SLC4A7: variants seen among roughly 807,000 people sequenced by gnomAD.
SLC4A7 encodes the protein solute carrier family 4 member 7.
In SLC4A7, 51 loss-of-function variants were observed where a neutral mutation model predicts 137.6. The observed-to-expected ratio is 0.37, with a 90% CI of 0.30 to 0.47. SLC4A7 has a LOEUF of 0.47. Ranked by LOEUF, SLC4A7 falls within the 20% of genes least tolerant of loss-of-function variation. The probability of loss-of-function intolerance (pLI) is 1.00; values close to 1 mark genes in which losing one functional copy is unlikely to be tolerated. For missense variants in SLC4A7, 1,247 were observed against 1,525.4 expected, an observed-to-expected ratio of 0.82 and a Z score of 3.04; for synonymous variants, 542 against 518.6, an observed-to-expected ratio of 1.05 and a Z score of -0.61.
chr3:27,411,287 T>C (rs1559695455), intron 12 of SLC4A7, among the ~76,000 whole-genome samples: 1 of 152,068 alleles, frequency 6.6e-6, no homozygotes, highest in Non-Finnish European at 1.5e-5. Context: ...TTGTAATTAC[T>C]CTCTGTTCCC....
intron 13 of SLC4A7, among the ~76,000 whole-genome samples, chr3:27,407,512 C>T (rs534669244): frequency 4.9e-4 from 75 of 151,886 alleles, no homozygotes; most frequent in Middle Eastern, 3.4e-3. Flanking sequence ...TATTACCCTG[C>T]CTGCCTACCT....
intron 3 of SLC4A7, among the ~76,000 whole-genome samples, chr3:27,447,640 C>CTTTTTT (rs71087609): frequency 1.0e-4 from 10 of 99,698 alleles, no homozygotes; most frequent in South Asian, 3.8e-4. Flanking sequence ...TTTTACAGCC[C>CTTTTTT]TTTTTTTTTT....
At chr3:27,466,182 T>C (rs1041683998) in intron 1 of SLC4A7, among the ~76,000 whole-genome samples, 5 of 152,094 alleles carry the variant, frequency 3.3e-5, no homozygotes, top group Admixed American at 1.3e-4. Context: ...CTGGGCGCGG[T>C]GGCTCACGCC....
intron 7 of SLC4A7, among the ~76,000 whole-genome samples, chr3:27,427,461 T>G (rs2055761817): frequency 6.6e-6 from 1 of 152,038 alleles, no homozygotes; most frequent in South Asian, 2.1e-4. Flanking sequence ...ACATATTAAT[T>G]TATACAATTT....
At chr3:27,448,216 CAA>C (rs34846975) in intron 3 of SLC4A7, among the ~76,000 whole-genome samples, 11 of 104,360 alleles carry the variant, frequency 1.1e-4, no homozygotes, top group Admixed American at 1.1e-4. Context: ...GACTCCATCT[CAA>C]AAAAAAAAAA....
chr3:27,429,648 A>C (rs1295521048), intron 7 of SLC4A7, among the ~76,000 whole-genome samples: 2 of 152,120 alleles, frequency 1.3e-5, no homozygotes, highest in East Asian at 3.9e-4. Flanking sequence ...TCAGGAGTTC[A>C]AGACTAGCCT....
At chr3:27,449,548 T>TA (rs1162378834) in intron 2 of SLC4A7, among the ~76,000 whole-genome samples, 1 of 152,032 alleles carries the variant, frequency 6.6e-6, no homozygotes, top group African/African-American at 2.4e-5. Context: ...TCAGATTAAA[T>TA]AAAAAAGCAG....
At chr3:27,390,548 C>G (rs929974988) in intron 21 of SLC4A7, among the ~76,000 whole-genome samples, 1 of 152,118 alleles carries the variant, frequency 6.6e-6, no homozygotes, top group African/African-American at 2.4e-5. Context: ...GAAAATAAAA[C>G]TGAGCAAATG....
chr3:27,429,214 C>T (rs1013760589), intron 7 of SLC4A7, among the ~76,000 whole-genome samples: 1 of 151,082 alleles, frequency 6.6e-6, no homozygotes, highest in African/African-American at 2.4e-5. Flanking sequence ...TGCAGTAAGC[C>T]GAGATCACAC....
In SLC4A7 at chr3:27,448,662, G is replaced by T; in HGVS notation, c.278C>A (p.Ser93Tyr). Residue 93 changes from serine to tyrosine, a missense_variant, in exon 3 of 26, where the codon TCT (serine) becomes TAT (tyrosine). Coordinates refer to ENST00000454389, the MANE Select transcript of SLC4A7 (RefSeq NM_001321103.2). ...CTGTTTTCTCTTACCATAAGAAGGAGATTCCCGTCCATCTTCTTTATCTGA... is the reference window on the plus strand; with the variant it reads ...CTGTTTTCTCTTACCATAAGAAGGATATTCCCGTCCATCTTCTTTATCTGA... ...KESDKEDGRE[S>Y]PSYDTPSQRV... 6.2e-7 allele frequency: 1 copy of T among 1,610,962 alleles called. No individual in the cohort carries two copies.
intron 1 of SLC4A7, among the ~76,000 whole-genome samples, chr3:27,455,707 G>A (rs945264437): frequency 1.3e-5 from 2 of 150,832 alleles, no homozygotes; most frequent in Non-Finnish European, 2.9e-5. Flanking sequence ...GTGAAACCCT[G>A]TCTCTACTAA....
chr3:27,376,525 T>A lies in SLC4A7; in HGVS notation c.*239A>T, dbSNP rs531760601. 2.2e-5 allele frequency: 6 copies of A among 276,074 alleles called. No homozygotes were observed. The highest frequency in any genetic ancestry group is 1.2e-4 in the East Asian group (2 of 16,226). 17.1% of individuals were successfully genotyped at this position (276,074 alleles called of 1,614,324 possible). A position where few individuals can be genotyped will look rare whatever the true frequency, so the allele number is the denominator to read the frequency against. The stretch of plus-strand genomic sequence containing the variant: ...CATCCTTCTATTGCAAAACAGAAAA[T>A]TTTTTTTTCTAACAGAATAAATATT... On this transcript the variant is annotated 3_prime_UTR_variant, in exon 26 of 26. Coordinates refer to ENST00000454389, the MANE Select transcript of SLC4A7 (RefSeq NM_001321103.2).
chr3:27,481,934 G>A (rs1365774210), intron 1 of SLC4A7, among the ~76,000 whole-genome samples: 9 of 151,908 alleles, frequency 5.9e-5, no homozygotes, highest in African/African-American at 1.7e-4. Context: ...TCAGGAGTTC[G>A]AGACCAGCCT....
intron 5 of SLC4A7, 83 bp from the exon 6 acceptor site, chr3:27,434,187 A>C (rs2056550617): frequency 4.3e-6 from 4 of 935,688 alleles, no homozygotes; most frequent in Non-Finnish European, 6.2e-6. Flanking sequence ...ACCTTATGAC[A>C]AAAATTAGAA....
At chr3:27,458,186 T>A (rs761434422) in intron 1 of SLC4A7, among the ~76,000 whole-genome samples, 5 of 152,180 alleles carry the variant, frequency 3.3e-5, no homozygotes, top group Non-Finnish European at 7.3e-5. Context: ...ATAAGATAAC[T>A]AGTTTTTACT....
At chr3:27,426,975 A>G (rs1202956809) in intron 7 of SLC4A7, among the ~76,000 whole-genome samples, 1 of 152,252 alleles carries the variant, frequency 6.6e-6, no homozygotes, top group East Asian at 1.9e-4. Context: ...GAAATCAAAG[A>G]TATCAGCATT....
Position 27,400,822 on chromosome 3 carries a change from T to C in SLC4A7, c.2369A>G (p.Gln790Arg). ...TGCTGTTATATTATCTTTCTTCCAT[T>C]GTGCTAGAGTTTCATTGCTGGGGTT... ...PPNPSNETLAQWKKDNITAHN... is the reference protein window; with the variant it reads ...PPNPSNETLARWKKDNITAHN... Residue 790 changes from glutamine (Q) to arginine (R), a missense_variant, in exon 16 of 26, where the codon CAA (glutamine) becomes CGA (arginine). Transcript: ENST00000454389. 3 of 1,608,816 alleles carry C rather than the reference T, an allele frequency of 1.9e-6. No homozygotes were observed. Among genetic ancestry groups the C allele is most frequent in the Non-Finnish European group, 1.7e-6 (2 of 1,175,314 alleles).
At chr3:27,460,038 ATTT>A (rs1227568451) in intron 1 of SLC4A7, among the ~76,000 whole-genome samples, 1 of 139,768 alleles carries the variant, frequency 7.2e-6, no homozygotes, top group Non-Finnish European at 1.6e-5. Context: ...TATATATATA[ATTT>A]TTTTTTTTCT....
chr3:27,463,475 G>A (rs1036170686), intron 1 of SLC4A7, among the ~76,000 whole-genome samples: 2 of 152,024 alleles, frequency 1.3e-5, no homozygotes, highest in Non-Finnish European at 2.9e-5. Flanking sequence ...GCGTGGTGGC[G>A]GTTGCAGTCA....
Sources: gnomAD v4.1 joint callset for allele counts (sites outside exome capture counted in the v4.1 genomes callset) on GRCh38, gnomAD v4.1.1 for gene constraint, MANE v1.5 for transcripts, NCBI Gene and HGNC (gene_info 2026-07-23, HGNC 2026-07-21) for gene names.